Variants in C12orf76 observed in about 807,000 individuals in gnomAD.
The protein encoded by C12orf76 is uncharacterized protein C12orf76.
Under a neutral mutation model 6.8 loss-of-function variants are expected in C12orf76, and 6 were observed. The observed-to-expected ratio is 0.88, with a 90% CI of 0.48 to 1.73. C12orf76 has a LOEUF of 1.73. Among genes scored for constraint, C12orf76 ranks in the 40% most tolerant of loss-of-function variants. The pLI, the probability that C12orf76 is intolerant of heterozygous loss-of-function variation, is 0.01. For missense variants in C12orf76, 99 were observed against 98.2 expected (o/e 1.01, Z -0.03); for synonymous variants, 56 against 43.7 (o/e 1.28, Z -1.11).
At position 110,048,360 on chromosome 12, in the gene C12orf76, C is replaced by T. The variant is rs1484856592; in HGVS notation, c.133+3G>A. On this transcript the variant is annotated splice_donor_region_variant and intron_variant, in intron 1 of 1. Coordinates refer to ENST00000615315, the MANE Select transcript of C12orf76 (RefSeq NM_001389625.1). ...GCCGCCCGCCAGCCCGAGGGCCGCT[C>T]ACCCAGGTTCTGCCCTCGCAGCACC... The T allele has an allele frequency of 6.6e-7, 1 of 1,503,828 alleles. No individual in the cohort carries two copies. Among genetic ancestry groups the T allele is most frequent in the African/African-American group, 1.4e-5 (1 of 70,476 alleles). 93.2% of individuals were successfully genotyped at this position (1,503,828 alleles called of 1,614,324 possible).
intron 2 of C12orf76, chr12:110,059,192 A>T (rs771617466): frequency 9.8e-6 from 15 of 1,534,420 alleles, no homozygotes; most frequent in Non-Finnish European, 1.2e-5. Flanking sequence ...CACACACACA[A>T]TTAATTTTTG....
At chr12:110,060,989 C>T (rs1222350340) in intron 2 of C12orf76, among the ~76,000 whole-genome samples, 4 of 151,328 alleles carry the variant, frequency 2.6e-5, no homozygotes, top group South Asian at 2.1e-4. Flanking sequence ...GAGCTAAGAT[C>T]GCACAACTGC....
At chr12:110,073,426 C>T (rs775830999) in exon 1 of C12orf76, 27 of 522,668 alleles carry the variant, frequency 5.2e-5, no homozygotes, top group African/African-American at 4.6e-4. Flanking sequence ...ACTTACCTAA[C>T]ATAGGAAAAG....
At chr12:110,068,247 AAAGAAGAAGAAGAAGAAGAAGAAGAAG>A (rs4042063), upstream of C12orf76, among the ~76,000 whole-genome samples, 479 of 63,804 alleles carry the variant, frequency 7.5e-3, 3 homozygotes, top group Middle Eastern at 0.024. Flanking sequence ...GAAGAAGAAG[AAAGAAGAAGAAGAAGAAGAAGAAGAAG>A]AAGAAGAAGA....
chr12:110,063,319 C>T (rs913482873), intron 2 of C12orf76, among the ~76,000 whole-genome samples: 1 of 151,878 alleles, frequency 6.6e-6, no homozygotes, highest in Non-Finnish European at 1.5e-5. Context: ...GTTTTGCTCT[C>T]ATCACCCAGG....
At chr12:110,053,758 C>T (rs1892623477), upstream of C12orf76, among the ~76,000 whole-genome samples, 1 of 152,118 alleles carries the variant, frequency 6.6e-6, no homozygotes, top group South Asian at 2.1e-4. Context: ...TGTTCTCAAA[C>T]AATAAATGGA....
intron 1 of C12orf76, among the ~76,000 whole-genome samples, chr12:110,047,934 C>T (rs1013432830): frequency 1.3e-5 from 2 of 152,108 alleles, no homozygotes; most frequent in African/African-American, 4.8e-5. Context: ...CCAGGTCTCC[C>T]GATTGCAGTT....
intron 3 of C12orf76, among the ~76,000 whole-genome samples, chr12:110,058,241 T>C (rs1414005455): frequency 6.6e-6 from 1 of 152,186 alleles, no homozygotes; most frequent in African/African-American, 2.4e-5. Flanking sequence ...TTTTGTAACT[T>C]GCTATTTTTA....
chr12:110,048,241 C>T, intron 1 of C12orf76, 122 bp downstream of exon 1: 1 of 1,254,630 alleles, frequency 8.0e-7, no homozygotes, highest in Non-Finnish European at 1.0e-6. Flanking sequence ...TCACCTGCAC[C>T]CCCCGCACTC....
intron 2 of C12orf76, chr12:110,065,777 A>C (rs1460915310): frequency 1.2e-5 from 19 of 1,612,610 alleles, no homozygotes; most frequent in Non-Finnish European, 1.4e-5. Context: ...AATACTTTTC[A>C]GTGGCTTCCC....
intron 2 of C12orf76, among the ~76,000 whole-genome samples, chr12:110,063,882 G>T (rs1892817822): frequency 6.6e-6 from 1 of 152,036 alleles, no homozygotes; most frequent in Non-Finnish European, 1.5e-5. Flanking sequence ...AGTCCAGCCT[G>T]GGCAACATAG....
At position 110,065,831 on chromosome 12, in the gene C12orf76, C is replaced by G. The variant is rs761647291; in HGVS notation, n.380+29G>C. Reference sequence around the variant, plus strand: ...TTCCAACTCTTCCCCTGTCCTGCCCCCTGGTCTGGCTCTACCCTCCTCTCT... The same window carrying G: ...TTCCAACTCTTCCCCTGTCCTGCCCGCTGGTCTGGCTCTACCCTCCTCTCT... On this transcript the variant is annotated intron_variant and non_coding_transcript_variant, in intron 2 of 4. Coordinates refer to the C12orf76 transcript ENST00000309050. The G allele has an allele frequency of 5.6e-6, 9 of 1,614,166 alleles. No individual in the cohort carries two copies. In the East Asian group the frequency reaches 1.8e-4, roughly 32 times the overall value.
At chr12:110,047,385 T>C (rs1443620136) in intron 1 of C12orf76, among the ~76,000 whole-genome samples, 1 of 152,188 alleles carries the variant, frequency 6.6e-6, no homozygotes, top group Non-Finnish European at 1.5e-5. Flanking sequence ...TCATTTTCCT[T>C]ATCTGAAAAA....
intron 1 of C12orf76, among the ~76,000 whole-genome samples, chr12:110,043,635 C>T (rs188098307): frequency 1.1e-4 from 16 of 152,034 alleles, no homozygotes; most frequent in African/African-American, 9.6e-5. Flanking sequence ...AGGCGGATCA[C>T]GAGGTCAGGA....
upstream of C12orf76, among the ~76,000 whole-genome samples, chr12:110,072,408 A>G (rs979397842): frequency 8.5e-5 from 13 of 152,336 alleles, no homozygotes; most frequent in Admixed American, 5.9e-4. Context: ...CAGAATAGGT[A>G]AATCCATAGA....
intron 2 of C12orf76, among the ~76,000 whole-genome samples, chr12:110,064,136 G>A (rs897195075): frequency 6.6e-6 from 1 of 152,184 alleles, no homozygotes; most frequent in African/African-American, 2.4e-5. Context: ...GGCCCTTTAA[G>A]GCATGGGGTC....
upstream of C12orf76, among the ~76,000 whole-genome samples, chr12:110,053,558 T>C (rs1471037620): frequency 6.6e-6 from 1 of 152,168 alleles, no homozygotes; most frequent in Non-Finnish European, 1.5e-5. Context: ...TGAGGACCAC[T>C]GGGAGGCTCC....
chr12:110,042,628 G>A, intron 1 of C12orf76, 169 bp from the exon 2 acceptor site: 1 of 703,976 alleles, frequency 1.4e-6, no homozygotes, highest in South Asian at 1.5e-5. Context: ...TATAGTTGGG[G>A]GAGAAACAAA....
At chr12:110,059,091 C>G (rs368206989) in exon 3 of C12orf76, 3 of 1,551,686 alleles carry the variant, frequency 1.9e-6, no homozygotes, top group Admixed American at 2.0e-5. Flanking sequence ...CCATCTGGCT[C>G]CACAGCCTCA....
Sources: allele counts gnomAD v4.1 joint callset (sites outside exome capture counted in the v4.1 genomes callset), GRCh38; gene constraint gnomAD v4.1.1; transcripts MANE v1.5; gene names NCBI Gene and HGNC (gene_info 2026-07-23, HGNC 2026-07-21).